Variants in NT5C3B observed in about 807,000 individuals in gnomAD.
The protein encoded by NT5C3B is 5'-nucleotidase, cytosolic IIIB, also known as 7-methylguanosine phosphate-specific 5'-nucleotidase.
A neutral mutation model predicts 32.5 loss-of-function variants in NT5C3B; 28 were observed. The ratio of observed to expected loss-of-function variants is 0.86; its 90% CI spans 0.64 to 1.18. The LOEUF (loss-of-function observed/expected upper bound fraction) is 1.18. Ranked by LOEUF, NT5C3B falls within the 50% of genes most tolerant of loss-of-function variation. The pLI is 0.00. For missense variants in NT5C3B, 317 were observed against 322.0 expected (o/e 0.98, Z 0.12); for synonymous variants, 138 against 118.0 (o/e 1.17, Z -1.10).
rs1336321279 is a variant in NT5C3B at position 41,825,288 on chromosome 17, C to G, written c.*235G>C. On this transcript the variant is annotated 3_prime_UTR_variant, in exon 9 of 9. Coordinates refer to ENST00000435506, the MANE Select transcript of NT5C3B (RefSeq NM_052935.5). Reference sequence around the variant, plus strand: ...TCCCTGGAGTAGACAATCCCTAGAGCACTGACATGCTGTGGTCCAAGGTTC... The same window carrying G: ...TCCCTGGAGTAGACAATCCCTAGAGGACTGACATGCTGTGGTCCAAGGTTC... 2.0e-5 allele frequency: 10 copies of G among 494,102 alleles called. No homozygotes were observed. Among genetic ancestry groups the G allele is most frequent in the Non-Finnish European group, 2.9e-5 (8 of 277,458 alleles). The allele number at this position is 494,102 out of a possible 1,614,324, so 30.6% of individuals were successfully genotyped here. A position where few individuals can be genotyped will look rare whatever the true frequency, so the allele number is the denominator to read the frequency against.
chr17:41,833,894 C>T (rs916557263), intron 4 of NT5C3B, among the ~76,000 whole-genome samples: 1 of 152,004 alleles, frequency 6.6e-6, no homozygotes, highest in South Asian at 2.1e-4. Flanking sequence ...AGAGCCAGTC[C>T]GTAACAGTGC....
intron 2 of NT5C3B, chr17:41,835,594 G>A (rs1438874463): frequency 3.3e-5 from 21 of 640,166 alleles, no homozygotes; most frequent in African/African-American, 6.9e-5. Context: ...TTACTGGGGA[G>A]CCGCTGGCTT....
In NT5C3B at chr17:41,827,541, TG is replaced by T. The variant is rs782767098; in HGVS notation, c.652del (p.Gln218AsnfsTer36). ...GATGACATTGGTTTTGCCCTCAAGT[TG>T]CTGGAAGTAACCAGAGTTCTCACAC... ...SACENSGYFQ[Q>X]LEGKTNVILL... On this transcript the variant is annotated frameshift_variant, in exon 8 of 9. Transcript: ENST00000435506. LOFTEE classifies it high-confidence loss of function. 1.1e-6 allele frequency: 1 copy of T among 872,778 alleles called. No homozygotes were observed. Among genetic ancestry groups the T allele is most frequent in the South Asian group, 1.3e-5 (1 of 76,536 alleles). The allele number at this position is 872,778 out of a possible 1,614,324, so 54.1% of individuals were successfully genotyped here.
chr17:41,829,458 T>A (rs1375702604), intron 6 of NT5C3B, among the ~76,000 whole-genome samples: 1 of 152,242 alleles, frequency 6.6e-6, no homozygotes, highest in Non-Finnish European at 1.5e-5. Context: ...GACATATGTA[T>A]ACACCCATGT....
At chr17:41,826,264 C>T (rs1170402676) in intron 8 of NT5C3B, among the ~76,000 whole-genome samples, 5 of 151,946 alleles carry the variant, frequency 3.3e-5, no homozygotes, top group African/African-American at 9.7e-5. Context: ...CACTCTGCTG[C>T]GTAGGCTGAA....
intron 2 of NT5C3B, chr17:41,835,602 C>T (rs1555619792): frequency 3.2e-6 from 2 of 618,354 alleles, no homozygotes. Flanking sequence ...GAGCCGCTGG[C>T]TTGGGGAGGA....
At chr17:41,832,295 G>A in intron 5 of NT5C3B, 97 bp downstream of exon 5, 2 of 987,834 alleles carry the variant, frequency 2.0e-6, no homozygotes, top group African/African-American at 1.6e-5. Flanking sequence ...GTGAAGTAAG[G>A]GAGCCTGTCA....
intron 4 of NT5C3B, 127 bp downstream of exon 4, chr17:41,834,943 A>G (rs2048119691): frequency 2.2e-6 from 2 of 917,518 alleles, no homozygotes; most frequent in African/African-American, 1.7e-5. Context: ...GACCCTCCTT[A>G]GCAAAACAAC....
chr17:41,833,441 C>T (rs782440888), intron 4 of NT5C3B, among the ~76,000 whole-genome samples: 2 of 152,064 alleles, frequency 1.3e-5, no homozygotes, highest in Non-Finnish European at 2.9e-5. Flanking sequence ...CTCAGCCTCC[C>T]GAGTAGCTGG....
Position 41,835,081 on chromosome 17 carries a change from A to G in NT5C3B, c.217T>C (p.Cys73Arg), listed in dbSNP as rs782344329. 5.6e-6 allele frequency: 9 copies of G among 1,613,910 alleles called. No individual in the cohort carries two copies. In the African/African-American group the frequency reaches 1.2e-4, roughly 22 times the overall value. Residue 73 changes from cysteine to arginine, a missense_variant, in exon 4 of 9, where the codon TGT becomes CGT. Physicochemically the swap from Cys to Arg is radical, Grantham distance 180. Coordinates refer to ENST00000435506, the MANE Select transcript of NT5C3B (RefSeq NM_052935.5). The stretch of plus-strand genomic sequence containing the variant: ...CGGGAGCAACCCACCTCTTTCCGAC[A>G]CTCCTCACTGATGATCTTGCTATTA... ...LDNSKIISEE[C>R]RKELTALLHH...
chr17:41,834,393 T>TACACACACAC (rs56965181), intron 4 of NT5C3B, among the ~76,000 whole-genome samples: 1,448 of 139,736 alleles, frequency 0.01, 13 homozygotes, highest in East Asian at 0.03. Context: ...AAAAAAAAAA[T>TACACACACAC]ACACACACAC....
chr17:41,827,190 C>T (rs1309554909), intron 8 of NT5C3B, among the ~76,000 whole-genome samples: 3 of 151,624 alleles, frequency 2.0e-5, no homozygotes, highest in African/African-American at 7.3e-5. Flanking sequence ...CCTGTAGTCC[C>T]AGCTACTTGG....
In NT5C3B at chr17:41,836,208, G is replaced by C. The variant is rs868923801; in HGVS notation, c.-15C>G. On this transcript the variant is annotated 5_prime_UTR_variant, in exon 1 of 9. Transcript: ENST00000435506. ...TCCTCTGCCATCCCGTTCGAGGCCT[G>C]GTCGGCGGCTCGCGGGACAACGACA... 1.1e-5 allele frequency: 14 copies of C among 1,243,068 alleles called. No individual in the cohort carries two copies. Among genetic ancestry groups the C allele is most frequent in the Middle Eastern group, 2.8e-4 (1 of 3,604 alleles). The allele number at this position is 1,243,068 out of a possible 1,614,324, so 77.0% of individuals were successfully genotyped here.
rs2048008442 is a variant in NT5C3B at position 41,828,947 on chromosome 17, C to T, written c.410G>A (p.Gly137Glu). The T allele has an allele frequency of 5.6e-6, 9 of 1,606,962 alleles. No homozygotes were observed. Among genetic ancestry groups the T allele is most frequent in the Non-Finnish European group, 7.7e-6 (9 of 1,174,416 alleles). The change falls in exon 7 of 9, where the codon GGA becomes GAA. Residue 137 changes from glycine (G) to glutamate (E), a missense_variant. Coordinates refer to ENST00000435506, the MANE Select transcript of NT5C3B (RefSeq NM_052935.5). ...VRESNAMLRE[G>E]YKTFFNTLYH... ...GAGTGTGTTGAAGAAGGTCTTATAT[C>T]CCTCCCTGAAAAGAGATGGAGGAAT...
Position 41,832,379 on chromosome 17 carries a change from C to T in NT5C3B, c.314+13G>A. 1.2e-6 allele frequency: 2 copies of T among 1,611,954 alleles called. No individual in the cohort carries two copies. The highest frequency in any genetic ancestry group is 2.7e-5 in the African/African-American group (2 of 74,982). ...CAAGGGCCCAGAAGCTTTTCTCCAC[C>T]ACCATCACTCACCATTCCACCATAT... On this transcript the variant is annotated intron_variant, in intron 5 of 8. Transcript: ENST00000435506.
At position 41,835,119 on chromosome 17, in the gene NT5C3B, G is replaced by A. The variant is rs1052385071; in HGVS notation, c.182-3C>T. The A allele has an allele frequency of 6.2e-7, 1 of 1,614,060 alleles. No individual in the cohort carries two copies. Among genetic ancestry groups the A allele is most frequent in the Admixed American group, 1.7e-5 (1 of 60,002 alleles). On this transcript the variant is annotated splice_polypyrimidine_tract_variant and splice_region_variant and intron_variant, in intron 3 of 8. Transcript: ENST00000435506. ...GATCTTGCTATTATCCAGAATATCT[G>A]GAAAAAGAGAAAACTCCTTTTACTT...
chr17:41,826,715 T>G (rs1043814058), intron 8 of NT5C3B, among the ~76,000 whole-genome samples: 3 of 151,658 alleles, frequency 2.0e-5, no homozygotes, highest in African/African-American at 7.2e-5. Flanking sequence ...ATTTATTTTA[T>G]TTAGGCTGGG....
At chr17:41,829,863 G>A (rs1295727391) in intron 6 of NT5C3B, among the ~76,000 whole-genome samples, 1 of 152,106 alleles carries the variant, frequency 6.6e-6, no homozygotes, top group Non-Finnish European at 1.5e-5. Context: ...TGTGGTGGAA[G>A]GTAGGCATAT....
In NT5C3B at chr17:41,827,554, C is replaced by T. The variant is rs1279270583; in HGVS notation, c.640G>A (p.Gly214Ser). The T allele has an allele frequency of 1.1e-6, 1 of 871,246 alleles. No individual in the cohort carries two copies. The highest frequency in any genetic ancestry group is 2.0e-6 in the Non-Finnish European group (1 of 500,274). 54.0% of individuals were successfully genotyped at this position (871,246 alleles called of 1,614,324 possible). The change falls in exon 8 of 9, where the codon GGT (glycine) becomes AGT (serine). Residue 214 changes from glycine to serine, a missense_variant. Coordinates refer to ENST00000435506, the MANE Select transcript of NT5C3B (RefSeq NM_052935.5). ...NKNSSACENSGYFQQLEGKTN... is the reference protein window; with the variant it reads ...NKNSSACENSSYFQQLEGKTN... ...TTGCCCTCAAGTTGCTGGAAGTAAC[C>T]AGAGTTCTCACACGCAGAGCTGTTC...
Sources: gnomAD v4.1 joint callset for allele counts (sites outside exome capture counted in the v4.1 genomes callset) on GRCh38, gnomAD v4.1.1 for gene constraint, MANE v1.5 for transcripts, NCBI Gene and HGNC (gene_info 2026-07-23, HGNC 2026-07-21) for gene names.